Variants in TRMT13 observed in about 807,000 individuals in gnomAD.
TRMT13 encodes the protein tRNA:m(4)X modification enzyme TRM13 homolog.
A neutral mutation model predicts 55.9 loss-of-function variants in TRMT13; 45 were observed. That is an observed-to-expected ratio of 0.80 (90% CI 0.63 to 1.03). The LOEUF (loss-of-function observed/expected upper bound fraction) is 1.03, where lower values mean the gene tolerates loss of function less well. TRMT13 is among the 50% of genes least tolerant of loss of function. TRMT13 has a pLI of 0.00. For missense variants in TRMT13, 513 were observed against 563.9 expected, an observed-to-expected ratio of 0.91 and a Z score of 0.91; for synonymous variants, 183 against 196.3, an observed-to-expected ratio of 0.93 and a Z score of 0.57.
At chr1:100,135,928 G>C (rs1655784573) in intron 1 of TRMT13, among the ~76,000 whole-genome samples, 2 of 152,074 alleles carry the variant, frequency 1.3e-5, no homozygotes, top group South Asian at 4.1e-4. Flanking sequence ...GATATGTTTA[G>C]ATACACAAAT....
chr1:100,143,557 T>C (rs1353016369), intron 8 of TRMT13, among the ~76,000 whole-genome samples: 8 of 152,142 alleles, frequency 5.3e-5, no homozygotes, highest in Non-Finnish European at 8.8e-5. Flanking sequence ...TGACTTTACC[T>C]AAACCATGAA....
At chr1:100,143,877 A>G (rs1427380098) in intron 8 of TRMT13, among the ~76,000 whole-genome samples, 192 bp from the exon 9 acceptor site, 11 of 152,208 alleles carry the variant, frequency 7.2e-5, no homozygotes, top group Admixed American at 7.2e-4. Context: ...ATTTAGCTGA[A>G]TATATTAACT....
intron 7 of TRMT13, among the ~76,000 whole-genome samples, chr1:100,141,563 C>T (rs1656636038): frequency 6.6e-6 from 1 of 152,156 alleles, no homozygotes; most frequent in Non-Finnish European, 1.5e-5. Context: ...AACTCCTGAG[C>T]TTAAGCCATC....
chr1:100,148,211 T>A lies in TRMT13; in HGVS notation c.1135T>A (p.Ser379Thr), dbSNP rs747004537. 6.2e-6 allele frequency: 10 copies of A among 1,614,154 alleles called. No individual in the cohort carries two copies. In the South Asian group the frequency reaches 1.1e-4, roughly 18 times the overall value. Reference protein sequence around the residue: ...SWATCGMRKTSLETSNSTTKR... With the variant: ...SWATCGMRKTTLETSNSTTKR... Reference sequence around the variant, plus strand: ...GGCAACTTGTGGGATGCGGAAAACATCTTTGGAAACCTCAAATAGTACCAC... The same window carrying A: ...GGCAACTTGTGGGATGCGGAAAACAACTTTGGAAACCTCAAATAGTACCAC... Residue 379 changes from serine to threonine, a missense_variant, in exon 10 of 11, where the codon TCT becomes ACT. Physicochemically the swap from Ser to Thr is moderately conservative, Grantham distance 58 (BLOSUM62 1). Coordinates refer to ENST00000370141, the MANE Select transcript of TRMT13 (RefSeq NM_019083.3).
chr1:100,135,531 G>T (rs971136917), intron 1 of TRMT13, among the ~76,000 whole-genome samples: 4 of 152,178 alleles, frequency 2.6e-5, no homozygotes, highest in African/African-American at 9.7e-5. Flanking sequence ...ACAGCACTGG[G>T]CTAGGCAGTT....
Position 100,143,083 on chromosome 1 carries a change from A to T in TRMT13, c.670-54A>T, listed in dbSNP as rs1472746334. 4.9e-6 allele frequency: 6 copies of T among 1,216,380 alleles called. No individual in the cohort carries two copies. The African/African-American group carries it at 9.2e-5, about 19-fold the overall frequency. 75.3% of individuals were successfully genotyped at this position (1,216,380 alleles called of 1,614,324 possible). On this transcript the variant is annotated intron_variant, in intron 7 of 10. Coordinates refer to ENST00000370141, the MANE Select transcript of TRMT13 (RefSeq NM_019083.3). ...CCAATAAAAATCTTTTTATTTTCAT[A>T]AAGCTTTTTTAAATGTAAGAAGTGA...
chr1:100,148,671 T>C lies in TRMT13; in HGVS notation c.1297T>C (p.Leu433=). The C allele has an allele frequency of 1.2e-6, 2 of 1,613,194 alleles. No homozygotes were observed. The highest frequency in any genetic ancestry group is 1.7e-6 in the Non-Finnish European group (2 of 1,179,734). ...EKKKIGHLCK[L]LIDQGRIQYL... is the part of the protein sequence containing the mutation. Reference sequence around the variant, plus strand: ...GAAGAAAATAGGGCATCTTTGTAAATTGCTGATTGACCAAGGTCGAATCCA... The same window carrying C: ...GAAGAAAATAGGGCATCTTTGTAAACTGCTGATTGACCAAGGTCGAATCCA... The change falls in exon 11 of 11, where the codon TTG becomes CTG. Residue 433 remains leucine (L), a synonymous_variant. Coordinates refer to ENST00000370141, the MANE Select transcript of TRMT13 (RefSeq NM_019083.3).
rs537551857 is a variant in TRMT13, at chr1:100,134,060, A to G, written c.147+745A>G. 2.6e-5 allele frequency among the ~76,000 whole-genome samples: 4 copies of G among 151,840 alleles called. No individual in the cohort carries two copies. In the East Asian group the frequency reaches 7.7e-4, roughly 29 times the overall value. On this transcript the variant is annotated intron_variant, in intron 1 of 10. Coordinates refer to ENST00000370141, the MANE Select transcript of TRMT13 (RefSeq NM_019083.3). ...GCATTCCAGCCTGGGTGACAGCCAGACTGAATCTCAAAAAAGAAAAAAAAA... is the reference window on the plus strand; with the variant it reads ...GCATTCCAGCCTGGGTGACAGCCAGGCTGAATCTCAAAAAAGAAAAAAAAA...
intron 1 of TRMT13, among the ~76,000 whole-genome samples, chr1:100,136,233 C>T (rs1434321840): frequency 6.6e-6 from 1 of 152,140 alleles, no homozygotes; most frequent in Non-Finnish European, 1.5e-5. Flanking sequence ...GGTTAAAATG[C>T]CATGTTCCAT....
chr1:100,148,526 G>A, intron 10 of TRMT13, 99 bp from the exon 11 acceptor site: 1 of 1,165,954 alleles, frequency 8.6e-7, no homozygotes, highest in South Asian at 1.4e-5. Context: ...AGTACATTAT[G>A]GGTTAGTTAA....
intron 3 of TRMT13, among the ~76,000 whole-genome samples, chr1:100,137,584 C>T (rs1405462441): frequency 6.6e-6 from 1 of 152,098 alleles, no homozygotes; most frequent in Admixed American, 6.5e-5. Flanking sequence ...TTACACTGTA[C>T]AATAAGGGCT....
At chr1:100,142,432 G>C (rs1190893226) in intron 7 of TRMT13, among the ~76,000 whole-genome samples, 1 of 152,150 alleles carries the variant, frequency 6.6e-6, no homozygotes, top group Non-Finnish European at 1.5e-5. Context: ...GGATGGAGAG[G>C]AGGGCAAGAG....
At position 100,139,776 on chromosome 1, in the gene TRMT13, A is replaced by G; in HGVS notation, c.324+65A>G. On this transcript the variant is annotated intron_variant, in intron 4 of 10. Transcript: ENST00000370141. The stretch of plus-strand genomic sequence containing the variant: ...TATAAGCTCTCTTCATGATGTGAAT[A>G]AGGCATGTTCTAATTTTTGTCTCAA... The G allele has an allele frequency of 3.0e-6, 3 of 1,016,282 alleles. No individual in the cohort carries two copies. The South Asian group carries it at 4.6e-5, about 16-fold the overall frequency. 63.0% of individuals were successfully genotyped at this position (1,016,282 alleles called of 1,614,324 possible).
intron 7 of TRMT13, among the ~76,000 whole-genome samples, chr1:100,142,661 G>A (rs1475008213): frequency 6.6e-6 from 1 of 152,200 alleles, no homozygotes; most frequent in Non-Finnish European, 1.5e-5. Context: ...TGCTGGTGAA[G>A]TAGAGCTTTC....
At position 100,148,835 on chromosome 1, in the gene TRMT13, G is replaced by T; in HGVS notation, c.*15G>T. 1 of 1,423,990 alleles carries T rather than the reference G, an allele frequency of 7.0e-7. No individual in the cohort carries two copies. 88.2% of individuals were successfully genotyped at this position (1,423,990 alleles called of 1,614,324 possible). On this transcript the variant is annotated 3_prime_UTR_variant, in exon 11 of 11. Coordinates refer to ENST00000370141, the MANE Select transcript of TRMT13 (RefSeq NM_019083.3). ...CAACTGCTTAATGGAAAAGAAATTT[G>T]AGCATCATCTGTCTTCCACCAAAAA...
At chr1:100,135,437 G>C (rs1204713370) in intron 1 of TRMT13, among the ~76,000 whole-genome samples, 1 of 152,036 alleles carries the variant, frequency 6.6e-6, no homozygotes, top group African/African-American at 2.4e-5. Context: ...TAGCTTCATG[G>C]ACATGCTGAG....
At position 100,149,049 on chromosome 1, in the gene TRMT13, T is replaced by A; in HGVS notation, c.*229T>A. Reference sequence around the variant, plus strand: ...AGGGCATCTTGAATTATATTATCCATCCGTATTTATGGAGATTGGTAAAGT... The same window carrying A: ...AGGGCATCTTGAATTATATTATCCAACCGTATTTATGGAGATTGGTAAAGT... On this transcript the variant is annotated 3_prime_UTR_variant, in exon 11 of 11. Coordinates refer to ENST00000370141, the MANE Select transcript of TRMT13 (RefSeq NM_019083.3). The A allele has an allele frequency of 6.3e-7, 1 of 1,592,210 alleles. No homozygotes were observed. Among genetic ancestry groups the A allele is most frequent in the Non-Finnish European group, 8.5e-7 (1 of 1,171,874 alleles).
intron 1 of TRMT13, 140 bp from the exon 2 acceptor site, chr1:100,136,742 A>T: frequency 1.3e-6 from 1 of 754,402 alleles, no homozygotes; most frequent in Non-Finnish European, 2.1e-6. Flanking sequence ...TTGGGACCTG[A>T]TTTTGCCAAC....
At position 100,148,110 on chromosome 1, in the gene TRMT13, A is replaced by G; in HGVS notation, c.1034A>G (p.Tyr345Cys). 1.2e-6 allele frequency: 2 copies of G among 1,614,234 alleles called. No individual in the cohort carries two copies. Among genetic ancestry groups the G allele is most frequent in the Non-Finnish European group, 1.7e-6 (2 of 1,180,044 alleles). The change falls in exon 10 of 11, where the codon TAT (tyrosine) becomes TGT (cysteine). Residue 345 changes from tyrosine (Y) to cysteine (C), a missense_variant. Tyr to Cys is a radical substitution (Grantham distance 194, BLOSUM62 -2). Transcript: ENST00000370141. ...CCHHRCDWRH[Y>C]VGKEYFRALG... ...CACCACAGGTGTGATTGGAGACATT[A>G]TGTGGGCAAAGAATATTTCAGGGCT... is the stretch of plus-strand genomic sequence containing the variant.
Sources: allele counts gnomAD v4.1 joint callset (sites outside exome capture counted in the v4.1 genomes callset), GRCh38; gene constraint gnomAD v4.1.1; transcripts MANE v1.5; gene names NCBI Gene and HGNC (gene_info 2026-07-23, HGNC 2026-07-21).